TRDN: variants seen among roughly 807,000 people sequenced by gnomAD.
TRDN encodes triadin.
A neutral mutation model predicts 149.7 loss-of-function variants in TRDN; 161 were observed. That is an observed-to-expected ratio of 1.08 (90% CI 0.95 to 1.23). The LOEUF is 1.23. Ranked by LOEUF, TRDN falls within the 50% of genes most tolerant of loss-of-function variation. The pLI is 0.00. For missense variants in TRDN, 896 were observed against 823.5 expected, an observed-to-expected ratio of 1.09 and a Z score of -1.08; for synonymous variants, 294 against 250.5, an observed-to-expected ratio of 1.17 and a Z score of -1.64.
At chr6:123,428,777 T>A (rs149587540) in intron 12 of TRDN, among the ~76,000 whole-genome samples, 88 of 152,276 alleles carry the variant, frequency 5.8e-4, no homozygotes, top group Admixed American at 2.7e-3. Flanking sequence ...TCTGCCTTGA[T>A]TTTTGCGTGA....
At chr6:123,340,982 A>C (rs940599150) in intron 21 of TRDN, among the ~76,000 whole-genome samples, 3 of 151,944 alleles carry the variant, frequency 2.0e-5, no homozygotes, top group Non-Finnish European at 4.4e-5. Context: ...CCCTTACATG[A>C]ATGTCTCTTT....
intron 33 of TRDN, among the ~76,000 whole-genome samples, chr6:123,261,325 C>G (rs1211482773): frequency 6.6e-6 from 1 of 151,724 alleles, no homozygotes; most frequent in Non-Finnish European, 1.5e-5. Flanking sequence ...TGAGTGTGGT[C>G]ATGGGATGAG....
intron 9 of TRDN, among the ~76,000 whole-genome samples, chr6:123,490,222 T>TA (rs1778155708): frequency 6.6e-6 from 1 of 152,124 alleles, no homozygotes; most frequent in Non-Finnish European, 1.5e-5. Flanking sequence ...CTCTTATCCA[T>TA]AAAAAATGTA....
At chr6:123,619,109 C>T (rs1293802451) in intron 1 of TRDN, among the ~76,000 whole-genome samples, 1 of 152,008 alleles carries the variant, frequency 6.6e-6, no homozygotes, top group East Asian at 1.9e-4. Flanking sequence ...ACTTAGTGTG[C>T]AAGATTGCAA....
intron 24 of TRDN, among the ~76,000 whole-genome samples, chr6:123,292,175 T>C (rs1002010565): frequency 9.9e-5 from 15 of 152,198 alleles, no homozygotes; most frequent in Middle Eastern, 6.4e-3. Flanking sequence ...TCAATGGCCA[T>C]GTTTTATTTT....
chr6:123,497,244 C>A lies in TRDN; in HGVS notation c.802G>T (p.Ala268Ser), dbSNP rs1223374508. The change falls in exon 9 of 41, where the codon GCA becomes TCA. Residue 268 changes from alanine to serine, a missense_variant. Physicochemically the swap from Ala to Ser is moderately conservative, Grantham distance 99 (BLOSUM62 1). Coordinates refer to ENST00000334268, the MANE Select transcript of TRDN (RefSeq NM_006073.4). ...VSKHEQKDQY[A>S]FCRYMIDIFV... ...ATGTCAATCATATATCGACAGAATGCATACTGATCTGACAGAGTAGAAAGA... is the reference window on the plus strand; with the variant it reads ...ATGTCAATCATATATCGACAGAATGAATACTGATCTGACAGAGTAGAAAGA... 3 of 1,543,022 alleles carry A rather than the reference C, an allele frequency of 1.9e-6. No individual in the cohort carries two copies. Among genetic ancestry groups the A allele is most frequent in the African/African-American group, 2.8e-5 (2 of 71,416 alleles).
chr6:123,375,528 A>G, intron 19 of TRDN, 77 bp downstream of exon 19: 3 of 1,258,138 alleles, frequency 2.4e-6, no homozygotes. Flanking sequence ...AATTAGCATT[A>G]GCATAGTCTA....
chr6:123,536,430 A>C (rs1315213400), intron 4 of TRDN, among the ~76,000 whole-genome samples: 4 of 152,094 alleles, frequency 2.6e-5, no homozygotes, highest in Non-Finnish European at 5.9e-5. Context: ...AACTACTAAA[A>C]TGATTATACT....
At chr6:123,336,346 G>T (rs1405935539) in intron 22 of TRDN, among the ~76,000 whole-genome samples, 1 of 151,942 alleles carries the variant, frequency 6.6e-6, no homozygotes, top group Non-Finnish European at 1.5e-5. Flanking sequence ...CAAAAATAGA[G>T]GTAGCTAGCA....
At chr6:123,400,759 T>C (rs2114483614) in intron 12 of TRDN, among the ~76,000 whole-genome samples, 1 of 152,312 alleles carries the variant, frequency 6.6e-6, no homozygotes, top group East Asian at 1.9e-4. Context: ...AACCAGCCCC[T>C]TTTTTCTAAT....
At chr6:123,496,499 C>T (rs1044596788) in intron 9 of TRDN, among the ~76,000 whole-genome samples, 2 of 152,012 alleles carry the variant, frequency 1.3e-5, no homozygotes, top group African/African-American at 4.8e-5. Context: ...AAAGTTTTCC[C>T]AAACATGAAC....
intron 1 of TRDN, among the ~76,000 whole-genome samples, chr6:123,573,952 T>C (rs990261490): frequency 1.3e-5 from 2 of 152,012 alleles, no homozygotes; most frequent in African/African-American, 4.8e-5. Flanking sequence ...CTTACTCTTC[T>C]GGTTTCTTTA....
intron 2 of TRDN, among the ~76,000 whole-genome samples, chr6:123,558,660 T>A (rs1781810032): frequency 6.6e-6 from 1 of 152,032 alleles, no homozygotes; most frequent in Admixed American, 6.5e-5. Flanking sequence ...CCCAATCTGC[T>A]CCCGACATTA....
At chr6:123,622,875 T>C (rs911611214) in intron 1 of TRDN, among the ~76,000 whole-genome samples, 3 of 152,282 alleles carry the variant, frequency 2.0e-5, no homozygotes, top group Non-Finnish European at 2.9e-5. Context: ...GAGTTCACTA[T>C]GACAAAATAT....
At chr6:123,627,371 C>T (rs1286519417) in intron 1 of TRDN, among the ~76,000 whole-genome samples, 1 of 152,122 alleles carries the variant, frequency 6.6e-6, no homozygotes, top group East Asian at 1.9e-4. Flanking sequence ...TGACCAGGTG[C>T]ATTGTCAATA....
chr6:123,412,484 T>C (rs1186549521), intron 12 of TRDN, among the ~76,000 whole-genome samples: 1 of 152,242 alleles, frequency 6.6e-6, no homozygotes, highest in East Asian at 1.9e-4. Context: ...TCTACCAATA[T>C]AGGAAGTTTA....
intron 24 of TRDN, among the ~76,000 whole-genome samples, chr6:123,301,759 A>ATATG (rs1250318031): frequency 1.2e-5 from 1 of 83,300 alleles, no homozygotes; most frequent in African/African-American, 3.7e-5. Flanking sequence ...ATACATATAT[A>ATATG]TATATATATA....
Position 123,438,951 on chromosome 6 carries a change from T to A in TRDN, c.984A>T (p.Lys328Asn), listed in dbSNP as rs1774733806. 6.4e-7 allele frequency: 1 copy of A among 1,560,814 alleles called. No homozygotes were observed. Among genetic ancestry groups the A allele is most frequent in the African/African-American group, 1.4e-5 (1 of 73,864 alleles). ...KAEKKVTSET[K>N]KKEKEDIKKK... ...GGCTTTTAAATTTCCTACCTTTCTT[T>A]TTTGTTTCAGAAGTAACTTTCTTCT... Residue 328 changes from lysine (K) to asparagine (N), a missense_variant, in exon 11 of 41, where the codon AAA becomes AAT. Lys to Asn is a moderately conservative substitution (Grantham distance 94, BLOSUM62 0). Coordinates refer to ENST00000334268, the MANE Select transcript of TRDN (RefSeq NM_006073.4).
chr6:123,434,895 C>T lies in TRDN; in HGVS notation c.1051+3168G>A, dbSNP rs149323892. Among the ~76,000 whole-genome samples the T allele has an allele frequency of 1.1e-4, 17 of 151,766 alleles. No individual in the cohort carries two copies. The East Asian group carries it at 3.1e-3, about 28-fold the overall frequency. On this transcript the variant is annotated intron_variant, in intron 12 of 40. Coordinates refer to ENST00000334268, the MANE Select transcript of TRDN (RefSeq NM_006073.4). ...CCCCAATATACCAATTGCTCAGTTT[C>T]AACCCCTATTAATTAATGGGTTGGC...
Sources: gnomAD v4.1 joint callset for allele counts (sites outside exome capture counted in the v4.1 genomes callset) on GRCh38, gnomAD v4.1.1 for gene constraint, MANE v1.5 for transcripts, NCBI Gene and HGNC (gene_info 2026-07-23, HGNC 2026-07-21) for gene names.